The following PDE10A variants were observed in gnomAD, a reference collection of about 807,000 sequenced individuals.
PDE10A encodes the protein phosphodiesterase 10A.
PDE10A carries 39 observed loss-of-function variants against 97.7 expected under a neutral mutation model. The observed-to-expected ratio is 0.40, with a 90% CI of 0.31 to 0.52. PDE10A has a LOEUF of 0.52. Among genes scored for constraint, PDE10A ranks in the 20% least tolerant of loss-of-function variants. The pLI is 0.56. For missense variants in PDE10A, 731 were observed against 1,047.8 expected (o/e 0.70, Z 4.17); for synonymous variants, 371 against 376.8 (o/e 0.98, Z 0.18).
intron 2 of PDE10A, among the ~76,000 whole-genome samples, chr6:165,531,739 AT>A (rs1176589917): frequency 1.3e-4 from 19 of 146,252 alleles, no homozygotes; most frequent in African/African-American, 4.6e-4. Context: ...AAAGAATTAT[AT>A]ATAGTTCTGC....
At chr6:165,889,034 A>G (rs371130619) in intron 1 of PDE10A, among the ~76,000 whole-genome samples, 14 of 152,332 alleles carry the variant, frequency 9.2e-5, no homozygotes, top group Middle Eastern at 6.8e-3. Flanking sequence ...TTATGAACTG[A>G]ATATCAATGC....
At position 165,900,214 on chromosome 6, in the gene PDE10A, G is replaced by A. The variant is rs983551047; in HGVS notation, c.-615+87315C>T. Among the ~76,000 whole-genome samples the A allele has an allele frequency of 5.3e-5, 8 of 152,280 alleles. No individual in the cohort carries two copies. The South Asian group carries it at 8.3e-4, about 16-fold the overall frequency. On this transcript the variant is annotated intron_variant, in intron 1 of 19. Transcript: ENST00000366882. ...GGGCGGGGCGCAGTGGCTCACACCC[G>A]TAATCCCAGCACTTTGGGAGGCCGA...
chr6:165,397,881 C>T (rs1448132865), intron 13 of PDE10A, among the ~76,000 whole-genome samples: 2 of 151,952 alleles, frequency 1.3e-5, no homozygotes, highest in Non-Finnish European at 2.9e-5. Flanking sequence ...TGTGGCAATG[C>T]AAACCCAATG....
Position 165,337,636 on chromosome 6 carries a change from CA to C in PDE10A, c.2977-1426del, listed in dbSNP as rs565277931. Among the ~76,000 whole-genome samples the C allele has an allele frequency of 3.0e-3, 453 of 152,246 alleles. 3 individuals are homozygous for C. Among genetic ancestry groups the C allele is most frequent in the African/African-American group, 0.01 (422 of 41,540 alleles). ...TTCACAGTCATCAACTATTTAGAAG[CA>C]ATATGGTTGGTAAAATATGAACTGA... On this transcript the variant is annotated intron_variant, in intron 20 of 21. Coordinates refer to ENST00000539869, the MANE Select transcript of PDE10A (RefSeq NM_001385079.1).
intron 2 of PDE10A, among the ~76,000 whole-genome samples, chr6:165,527,758 G>C (rs1240399206): frequency 1.3e-5 from 2 of 152,188 alleles, no homozygotes; most frequent in Admixed American, 6.5e-5. Flanking sequence ...GTTACATGAG[G>C]AAGTGGCTAA....
chr6:165,442,889 G>A (rs74844591), intron 5 of PDE10A, among the ~76,000 whole-genome samples: 4,390 of 152,056 alleles, frequency 0.029, 209 homozygotes, highest in African/African-American at 0.098. Flanking sequence ...CGGGTGGATC[G>A]ACTGAGGTCA....
chr6:165,811,240 A>C (rs1020689932), intron 1 of PDE10A, among the ~76,000 whole-genome samples: 1 of 152,166 alleles, frequency 6.6e-6, no homozygotes, highest in African/African-American at 2.4e-5. Context: ...ACAAACACAA[A>C]AACAAACACA....
chr6:165,974,284 G>T (rs887657326), intron 1 of PDE10A, among the ~76,000 whole-genome samples: 1 of 152,326 alleles, frequency 6.6e-6, no homozygotes, highest in South Asian at 2.1e-4. Flanking sequence ...CTGCAAGAAT[G>T]TGCATGAAAC....
At chr6:165,585,219 T>C (rs1331439855) in intron 1 of PDE10A, among the ~76,000 whole-genome samples, 4 of 152,222 alleles carry the variant, frequency 2.6e-5, no homozygotes, top group African/African-American at 9.6e-5. Context: ...CATCATGTCC[T>C]GTGGAAATAT....
intron 1 of PDE10A, among the ~76,000 whole-genome samples, chr6:165,958,541 GAA>G (rs1401637688): frequency 2.3e-5 from 1 of 43,374 alleles, no homozygotes; most frequent in South Asian, 8.5e-4. Context: ...AAGAAAGAAA[GAA>G]AGAAAGAAAG....
chr6:165,690,605 G>A (rs73026185), intron 1 of PDE10A, among the ~76,000 whole-genome samples: 3,682 of 152,260 alleles, frequency 0.024, 61 homozygotes, highest in Non-Finnish European at 0.038. Context: ...GATGGTGATA[G>A]GATGTTCATG....
intron 1 of PDE10A, among the ~76,000 whole-genome samples, chr6:165,583,757 T>A (rs1435380523): frequency 1.3e-5 from 2 of 152,098 alleles, no homozygotes; most frequent in Non-Finnish European, 2.9e-5. Flanking sequence ...CCTAAACTAG[T>A]GTCTAATGTA....
At chr6:165,619,124 A>AGTGTAGTG (rs1562633861) in intron 1 of PDE10A, among the ~76,000 whole-genome samples, 1 of 31,940 alleles carries the variant, frequency 3.1e-5, no homozygotes, top group African/African-American at 1.8e-4. Flanking sequence ...GTAGTCTAGC[A>AGTGTAGTG]TAGTCTAGTG....
chr6:165,633,128 C>A (rs887349333), intron 1 of PDE10A, among the ~76,000 whole-genome samples: 3 of 151,866 alleles, frequency 2.0e-5, no homozygotes, highest in Non-Finnish European at 2.9e-5. Context: ...AGCTTTTGAT[C>A]TTGGTCTGAT....
At chr6:165,540,705 C>T (rs566341693) in intron 2 of PDE10A, among the ~76,000 whole-genome samples, 2 of 152,216 alleles carry the variant, frequency 1.3e-5, no homozygotes, top group African/African-American at 2.4e-5. Context: ...TCTCTGCTCA[C>T]TACAACCCAC....
At chr6:165,865,431 T>C (rs1302199536) in intron 1 of PDE10A, among the ~76,000 whole-genome samples, 2 of 151,958 alleles carry the variant, frequency 1.3e-5, no homozygotes, top group Non-Finnish European at 2.9e-5. Flanking sequence ...AATAATTCTC[T>C]AGTAACAGAG....
At chr6:165,640,319 C>A (rs1223889587) in intron 1 of PDE10A, among the ~76,000 whole-genome samples, 1 of 152,010 alleles carries the variant, frequency 6.6e-6, no homozygotes, top group Non-Finnish European at 1.5e-5. Context: ...ATTTTTTTTA[C>A]CATTTTCAAA....
At chr6:165,386,094 T>C (rs1785281244) in intron 17 of PDE10A, among the ~76,000 whole-genome samples, 1 of 152,166 alleles carries the variant, frequency 6.6e-6, no homozygotes, top group Non-Finnish European at 1.5e-5. Context: ...TGAGCTCCTG[T>C]TACTAGTTCT....
At chr6:165,494,534 A>ATATATATT (rs1554273388) in intron 2 of PDE10A, among the ~76,000 whole-genome samples, 48 of 144,326 alleles carry the variant, frequency 3.3e-4, no homozygotes, top group South Asian at 2.4e-3. Context: ...ATATATATAT[A>ATATATATT]TATTTATTTA....
Sources: allele counts gnomAD v4.1 joint callset (sites outside exome capture counted in the v4.1 genomes callset), GRCh38; gene constraint gnomAD v4.1.1; transcripts MANE v1.5; gene names NCBI Gene and HGNC (gene_info 2026-07-23, HGNC 2026-07-21).